The following TMPRSS11A variants were observed in gnomAD, a reference collection of about 807,000 sequenced individuals.
TMPRSS11A encodes transmembrane serine protease 11A.
Under a neutral mutation model 58.9 loss-of-function variants are expected in TMPRSS11A, and 53 were observed. That is an observed-to-expected ratio of 0.90 (90% CI 0.72 to 1.13). TMPRSS11A has a LOEUF of 1.13. Among genes scored for constraint, TMPRSS11A ranks in the 50% most tolerant of loss-of-function variants. The pLI, the probability that TMPRSS11A is intolerant of heterozygous loss-of-function variation, is 0.00. For synonymous variants in TMPRSS11A, 167 were observed against 169.8 expected (o/e 0.98, Z 0.13); for missense variants, 493 against 499.3 (o/e 0.99, Z 0.12).
intron 1 of TMPRSS11A, among the ~76,000 whole-genome samples, chr4:67,955,519 G>A (rs1021159492): frequency 6.6e-6 from 1 of 152,154 alleles, no homozygotes; most frequent in African/African-American, 2.4e-5. Context: ...AAATGCCTGT[G>A]TCAGGGTCCT....
At chr4:67,920,388 A>G (rs1011596625) in intron 7 of TMPRSS11A, among the ~76,000 whole-genome samples, 5 of 151,740 alleles carry the variant, frequency 3.3e-5, no homozygotes, top group African/African-American at 4.8e-5. Flanking sequence ...TATGTGTGAC[A>G]CTAGTCACAC....
At chr4:67,920,549 A>ATATATATATATATATATATATATATAT (rs371252656) in intron 7 of TMPRSS11A, among the ~76,000 whole-genome samples, 2 of 130,898 alleles carry the variant, frequency 1.5e-5, no homozygotes, top group Non-Finnish European at 3.1e-5. Flanking sequence ...ATATATATAT[A>ATATATATATATATATATATATATATAT]TTTTTTTTTA....
At chr4:67,928,070 T>A (rs992182723) in intron 5 of TMPRSS11A, among the ~76,000 whole-genome samples, 2 of 151,944 alleles carry the variant, frequency 1.3e-5, no homozygotes, top group Non-Finnish European at 2.9e-5. Flanking sequence ...GGAGATGGAG[T>A]CTTGCTCTGT....
intron 3 of TMPRSS11A, among the ~76,000 whole-genome samples, chr4:67,934,807 C>T (rs1424453083): frequency 6.6e-6 from 1 of 152,128 alleles, no homozygotes; most frequent in South Asian, 2.1e-4. Flanking sequence ...ATACATGTTG[C>T]CTGCTTTTCT....
intron 3 of TMPRSS11A, among the ~76,000 whole-genome samples, chr4:67,936,324 A>C (rs1181628030): frequency 7.1e-6 from 1 of 139,958 alleles, no homozygotes; most frequent in Non-Finnish European, 1.5e-5. Flanking sequence ...ATCTGTATAA[A>C]ACTCTAGGTG....
In TMPRSS11A at chr4:67,930,568, T is replaced by C. The variant is rs369511105; in HGVS notation, c.321-528A>G. Among the ~76,000 whole-genome samples, 67 of 152,176 alleles carry C rather than the reference T, an allele frequency of 4.4e-4. 1 individual carries two copies. In the South Asian group the frequency reaches 0.011, roughly 26 times the overall value. On this transcript the variant is annotated intron_variant, in intron 4 of 9. Transcript: ENST00000508048. ...TTAGGTCTACCAGTTGGAACATACA[T>C]AAAATAATTTCCTCCTCTAGCCCAA...
At chr4:67,916,249 AC>A (rs1376150005) in intron 8 of TMPRSS11A, among the ~76,000 whole-genome samples, 7 of 152,214 alleles carry the variant, frequency 4.6e-5, no homozygotes, top group Non-Finnish European at 7.3e-5. Flanking sequence ...CATGGTAAGT[AC>A]ATGCAATTTT....
intron 1 of TMPRSS11A, 69 bp downstream of exon 1, chr4:67,963,314 A>C: frequency 6.4e-7 from 1 of 1,553,240 alleles, no homozygotes; most frequent in Non-Finnish European, 8.9e-7. Flanking sequence ...GTCCTCTTAC[A>C]CATCAGGAAT....
At chr4:67,915,450 CCTCCTCCCAAATATGGGCAGGAT>C in intron 8 of TMPRSS11A, among the ~76,000 whole-genome samples, 1 of 152,258 alleles carries the variant, frequency 6.6e-6, no homozygotes, top group South Asian at 2.1e-4. Context: ...GTGTGATTCC[CCTCCTCCCAAATATGGGCAGGAT>C]CTGTGAATAT....
In TMPRSS11A at chr4:67,914,486, A is replaced by T. The variant is rs897487088; in HGVS notation, c.1095+102T>A. On this transcript the variant is annotated intron_variant, in intron 9 of 9. Transcript: ENST00000508048. Reference sequence around the variant, plus strand: ...TTGCATTTGTAACTTTTTTGAGCTGACATGATATCTATGTTTTGTCCTTAT... The same window carrying T: ...TTGCATTTGTAACTTTTTTGAGCTGTCATGATATCTATGTTTTGTCCTTAT... 94 of 1,083,030 alleles carry T rather than the reference A, an allele frequency of 8.7e-5. 1 individual carries two copies. The South Asian group carries it at 1.0e-3, about 12-fold the overall frequency. 67.1% of individuals were successfully genotyped at this position (1,083,030 alleles called of 1,614,324 possible). A position where few individuals can be genotyped will look rare whatever the true frequency, so the allele number is the denominator to read the frequency against.
chr4:67,951,033 G>A (rs772563607), intron 1 of TMPRSS11A, among the ~76,000 whole-genome samples: 1 of 152,198 alleles, frequency 6.6e-6, no homozygotes, highest in Non-Finnish European at 1.5e-5. Flanking sequence ...AGACCCCTGT[G>A]GCACAGACAG....
rs1217852541 is a variant in TMPRSS11A at position 67,944,621 on chromosome 4, G to A, written c.150C>T (p.Tyr50=). Residue 50 remains tyrosine (Y), a synonymous_variant, in exon 3 of 10, where the codon TAC becomes TAT. Coordinates refer to ENST00000508048, the MANE Select transcript of TMPRSS11A (RefSeq NM_001114387.2). ...HFLVFDQKKE[Y]YHGSFKILDP... The stretch of plus-strand genomic sequence containing the variant: ...CTAAAATTTTAAAGGAGCCATGATA[G>A]TACTCCTTTTTTTGGTCTGCAATGG... The A allele has an allele frequency of 6.2e-7, 1 of 1,611,468 alleles. No homozygotes were observed. The highest frequency in any genetic ancestry group is 2.2e-5 in the East Asian group (1 of 44,838).
Position 67,933,938 on chromosome 4 carries a change from G to A in TMPRSS11A, c.253-1878C>T, listed in dbSNP as rs183901923. On this transcript the variant is annotated intron_variant, in intron 3 of 9. Transcript: ENST00000508048. ...CTTTTTGGTGAAGGCATTGGATGAAGTTTTTGACTCTGGATGACATCATCA... is the reference window on the plus strand; with the variant it reads ...CTTTTTGGTGAAGGCATTGGATGAAATTTTTGACTCTGGATGACATCATCA... 2.9e-3 allele frequency among the ~76,000 whole-genome samples: 448 copies of A among 152,274 alleles called. 3 individuals are homozygous for A. Among genetic ancestry groups the A allele is most frequent in the African/African-American group, 0.01 (428 of 41,574 alleles).
In TMPRSS11A at chr4:67,929,973, C is replaced by T; in HGVS notation, c.388G>A (p.Ala130Thr). 6.2e-6 allele frequency: 10 copies of T among 1,613,402 alleles called. No individual in the cohort carries two copies. Among genetic ancestry groups the T allele is most frequent in the African/African-American group, 1.3e-5 (1 of 75,032 alleles). The change falls in exon 5 of 10, where the codon GCA becomes ACA. Residue 130 changes from alanine (A) to threonine (T), a missense_variant. Ala to Thr is a moderately conservative substitution (Grantham distance 58). Transcript: ENST00000508048. ...VFQFPSTEQR[A>T]VREKKIQSIL... Reference sequence around the variant, plus strand: ...CTTTGGATTTTCTTCTCTCTTACTGCCCTTTGTTCAGTAGAGGGGAACTGG... The same window carrying T: ...CTTTGGATTTTCTTCTCTCTTACTGTCCTTTGTTCAGTAGAGGGGAACTGG...
chr4:67,944,729 T>A (rs1720961714), intron 2 of TMPRSS11A, 92 bp from the exon 3 acceptor site: 3 of 956,790 alleles, frequency 3.1e-6, no homozygotes, highest in South Asian at 3.3e-5. Flanking sequence ...CTTGAATATG[T>A]CCCTGAGCCT....
intron 1 of TMPRSS11A, among the ~76,000 whole-genome samples, chr4:67,952,950 G>A (rs1408291950): frequency 6.6e-6 from 1 of 152,110 alleles, no homozygotes; most frequent in Non-Finnish European, 1.5e-5. Context: ...TGGCACCAGG[G>A]ACTGGTTTTG....
At chr4:67,947,648 G>A (rs1438428) in intron 1 of TMPRSS11A, among the ~76,000 whole-genome samples, 100,497 of 152,114 alleles carry the variant, frequency 0.66, 37,041 homozygotes, top group Non-Finnish European at 0.83. Flanking sequence ...TCACACCAGG[G>A]ATAAAAATTT....
At chr4:67,929,539 C>T (rs1475863171) in intron 5 of TMPRSS11A, among the ~76,000 whole-genome samples, 1 of 152,094 alleles carries the variant, frequency 6.6e-6, no homozygotes, top group African/African-American at 2.4e-5. Flanking sequence ...TAGGAAGGTC[C>T]CACCCAGAAA....
At chr4:67,946,290 T>C (rs1279537729) in intron 2 of TMPRSS11A, among the ~76,000 whole-genome samples, 160 bp downstream of exon 2, 1 of 152,202 alleles carries the variant, frequency 6.6e-6, no homozygotes, top group African/African-American at 2.4e-5. Flanking sequence ...AAGAATTTAG[T>C]ACTTGTTTGT....
Sources: allele counts gnomAD v4.1 joint callset (sites outside exome capture counted in the v4.1 genomes callset), GRCh38; gene constraint gnomAD v4.1.1; transcripts MANE v1.5; gene names NCBI Gene and HGNC (gene_info 2026-07-23, HGNC 2026-07-21).